Variants in SCFD2 observed in about 807,000 individuals in gnomAD.
SCFD2 encodes sec1 family domain-containing protein 2.
A neutral mutation model predicts 58.9 loss-of-function variants in SCFD2; 54 were observed. The observed-to-expected ratio is 0.92, with a 90% CI of 0.74 to 1.15. The LOEUF (loss-of-function observed/expected upper bound fraction) is 1.15. Ranked by LOEUF, SCFD2 falls within the 50% of genes most tolerant of loss-of-function variation. SCFD2 has a pLI of 0.00. For missense variants in SCFD2, 805 were observed against 836.6 expected, an observed-to-expected ratio of 0.96 and a Z score of 0.47; for synonymous variants, 321 against 335.9, an observed-to-expected ratio of 0.96 and a Z score of 0.49.
At chr4:53,286,122 G>A (rs2149081766) in intron 3 of SCFD2, among the ~76,000 whole-genome samples, 1 of 152,208 alleles carries the variant, frequency 6.6e-6, no homozygotes, top group East Asian at 1.9e-4. Context: ...CCAAACCACT[G>A]AAGCTTGCAC....
At chr4:53,315,743 C>T (rs181332082) in intron 2 of SCFD2, among the ~76,000 whole-genome samples, 15 of 152,298 alleles carry the variant, frequency 9.8e-5, no homozygotes, top group African/African-American at 3.6e-4. Flanking sequence ...CTCCACAAAA[C>T]ACAGGGATTT....
Position 53,028,633 on chromosome 4 carries a change from G to A in SCFD2, c.1562-107763C>T, listed in dbSNP as rs116832894. Among the ~76,000 whole-genome samples, 1,317 of 152,202 alleles carry A rather than the reference G, an allele frequency of 8.7e-3. 13 individuals are homozygous for A. Among genetic ancestry groups the A allele is most frequent in the African/African-American group, 0.03 (1,261 of 41,520 alleles). ...GAATGCTTCTTATTCAATAGAGATG[G>A]AAGAAAAGGGAGAGAGGGAAGGATA... On this transcript the variant is annotated intron_variant, in intron 5 of 8. Coordinates refer to ENST00000401642, the MANE Select transcript of SCFD2 (RefSeq NM_152540.4).
chr4:53,269,045 T>G (rs567108070), intron 4 of SCFD2, among the ~76,000 whole-genome samples: 5 of 152,216 alleles, frequency 3.3e-5, no homozygotes, highest in African/African-American at 1.2e-4. Flanking sequence ...TTAGACCAAG[T>G]GCAGTGGCTC....
intron 4 of SCFD2, among the ~76,000 whole-genome samples, chr4:53,250,548 C>G (rs1311959287): frequency 6.6e-6 from 1 of 152,220 alleles, no homozygotes; most frequent in Non-Finnish European, 1.5e-5. Context: ...AACTGTCTCT[C>G]AGACCACAGT....
At chr4:53,263,642 A>C (rs531869097) in intron 4 of SCFD2, among the ~76,000 whole-genome samples, 3 of 152,224 alleles carry the variant, frequency 2.0e-5, no homozygotes, top group Admixed American at 2.0e-4. Flanking sequence ...CACCTGCTCC[A>C]GTGGAGGCAG....
At chr4:53,310,365 A>G (rs1462699971) in intron 3 of SCFD2, among the ~76,000 whole-genome samples, 2 of 152,250 alleles carry the variant, frequency 1.3e-5, no homozygotes, top group South Asian at 2.1e-4. Context: ...TCCACTTTGT[A>G]GAGAACTATA....
chr4:53,268,875 C>G (rs966687316), intron 4 of SCFD2, among the ~76,000 whole-genome samples: 5 of 152,214 alleles, frequency 3.3e-5, no homozygotes, highest in Admixed American at 6.5e-5. Flanking sequence ...AGGGAAGCAA[C>G]TCTATTGGAA....
intron 5 of SCFD2, among the ~76,000 whole-genome samples, chr4:52,943,221 TAAACA>T (rs142354116): frequency 0.12 from 17,360 of 150,708 alleles, 1,192 homozygotes; most frequent in African/African-American, 0.21. Flanking sequence ...ACTCATGCCT[TAAACA>T]AAACAAAACA....
intron 4 of SCFD2, among the ~76,000 whole-genome samples, chr4:53,184,967 G>T (rs1727696950): frequency 6.6e-6 from 1 of 151,872 alleles, no homozygotes; most frequent in Non-Finnish European, 1.5e-5. Flanking sequence ...GAGGGAAAAA[G>T]CATTTAGAAA....
chr4:53,298,747 C>G (rs182346773), intron 3 of SCFD2, among the ~76,000 whole-genome samples: 1 of 152,178 alleles, frequency 6.6e-6, no homozygotes, highest in African/African-American at 2.4e-5. Context: ...TGAGACAAAA[C>G]TTCCAGAGGA....
intron 4 of SCFD2, among the ~76,000 whole-genome samples, chr4:53,184,050 C>T (rs1727664986): frequency 1.3e-5 from 2 of 152,148 alleles, no homozygotes. Context: ...ACGTAACCTA[C>T]TCCTAGAAAA....
intron 4 of SCFD2, among the ~76,000 whole-genome samples, chr4:53,253,191 A>G (rs1730464233): frequency 6.6e-6 from 1 of 152,254 alleles, no homozygotes; most frequent in Non-Finnish European, 1.5e-5. Context: ...ACAATGAGAT[A>G]CTATCTCCCA....
In SCFD2 at chr4:53,299,764, C is replaced by T. The variant is rs1732200847; in HGVS notation, c.1135+13872G>A. Among the ~76,000 whole-genome samples the T allele has an allele frequency of 5.9e-5, 9 of 152,198 alleles. No homozygotes were observed. The South Asian group carries it at 1.9e-3, about 32-fold the overall frequency. On this transcript the variant is annotated intron_variant, in intron 3 of 8. Coordinates refer to ENST00000401642, the MANE Select transcript of SCFD2 (RefSeq NM_152540.4). ...AGCTGATCTCTCGCCAGAAACTCTA[C>T]AAGCCAGAAGAGAGTGGGTGCCAAT...
rs185837290 is a variant in SCFD2, at chr4:53,357,917, A to T, written c.839-5151T>A. On this transcript the variant is annotated intron_variant, in intron 1 of 8. Coordinates refer to ENST00000401642, the MANE Select transcript of SCFD2 (RefSeq NM_152540.4). The stretch of plus-strand genomic sequence containing the variant: ...CACTGGAGCAAACTGCCAAGGTTCA[A>T]ATCCTAGCTCTGCCACTTAACACAT... Among the ~76,000 whole-genome samples, 398 of 152,314 alleles carry T rather than the reference A, an allele frequency of 2.6e-3. 1 individual carries two copies. The highest frequency in any genetic ancestry group is 2.2e-3 in the Non-Finnish European group (152 of 68,022).
At chr4:53,291,870 G>GC (rs945794207) in intron 3 of SCFD2, among the ~76,000 whole-genome samples, 2 of 152,072 alleles carry the variant, frequency 1.3e-5, no homozygotes, top group African/African-American at 4.8e-5. Flanking sequence ...ACAAAAACAA[G>GC]CAATGGGGAA....
intron 4 of SCFD2, among the ~76,000 whole-genome samples, chr4:53,190,856 C>A (rs1377246700): frequency 6.8e-6 from 1 of 146,886 alleles, no homozygotes; most frequent in African/African-American, 2.7e-5. Flanking sequence ...TCTGTGAACT[C>A]CTTCAGAAGT....
At chr4:53,078,800 TA>T (rs1042089560) in intron 5 of SCFD2, among the ~76,000 whole-genome samples, 3 of 152,082 alleles carry the variant, frequency 2.0e-5, no homozygotes, top group South Asian at 2.1e-4. Flanking sequence ...ACTAATATAA[TA>T]AAAAAAATCT....
chr4:53,044,489 ACTTCCTTCCTTCCTTC>A (rs536906756), intron 5 of SCFD2, among the ~76,000 whole-genome samples: 15 of 145,884 alleles, frequency 1.0e-4, no homozygotes, highest in African/African-American at 3.3e-4. Flanking sequence ...CTTTACAGGA[ACTTCCTTCCTTCCTTC>A]CTTCCTTCCT....
chr4:52,989,946 T>A (rs918318407), intron 5 of SCFD2, among the ~76,000 whole-genome samples: 3 of 152,172 alleles, frequency 2.0e-5, no homozygotes, highest in Non-Finnish European at 4.4e-5. Context: ...ATCTCTCTCC[T>A]TCCCTCCCTC....
Sources: gnomAD v4.1 joint callset for allele counts (sites outside exome capture counted in the v4.1 genomes callset) on GRCh38, gnomAD v4.1.1 for gene constraint, MANE v1.5 for transcripts, NCBI Gene and HGNC (gene_info 2026-07-23, HGNC 2026-07-21) for gene names.